Variants in CNTN5 observed in about 807,000 individuals in gnomAD.
CNTN5 encodes the protein contactin-5.
Under a neutral mutation model 129.1 loss-of-function variants are expected in CNTN5, and 77 were observed. The ratio of observed to expected loss-of-function variants is 0.60; its 90% CI spans 0.50 to 0.72. The LOEUF (loss-of-function observed/expected upper bound fraction) is 0.72. Ranked by LOEUF, CNTN5 falls within the 30% of genes least tolerant of loss-of-function variation. The pLI, the probability that CNTN5 is intolerant of heterozygous loss-of-function variation, is 0.00. For missense variants in CNTN5, 1,478 were observed against 1,328.8 expected (o/e 1.11, Z -1.75); for synonymous variants, 509 against 465.6 (o/e 1.09, Z -1.20).
At chr11:99,852,575 A>C (rs962488560) in intron 6 of CNTN5, among the ~76,000 whole-genome samples, 1 of 152,186 alleles carries the variant, frequency 6.6e-6, no homozygotes, top group African/African-American at 2.4e-5. Context: ...TAAATCATAA[A>C]TTTGCAAGTT....
chr11:99,498,414 G>C (rs965462265), intron 2 of CNTN5, among the ~76,000 whole-genome samples: 1 of 152,048 alleles, frequency 6.6e-6, no homozygotes, highest in Admixed American at 6.6e-5. Context: ...TATTGTAATT[G>C]TTTCCAACTA....
At chr11:99,154,816 C>G (rs1860254320) in intron 1 of CNTN5, among the ~76,000 whole-genome samples, 8 of 152,142 alleles carry the variant, frequency 5.3e-5, no homozygotes. Flanking sequence ...TCAGATCAGA[C>G]TGGCTCCATC....
At chr11:99,123,764 T>C (rs1204423562) in intron 1 of CNTN5, among the ~76,000 whole-genome samples, 1 of 152,038 alleles carries the variant, frequency 6.6e-6, no homozygotes, top group African/African-American at 2.4e-5. Flanking sequence ...CTTCTGCCTA[T>C]GGCTAGCCAG....
At chr11:100,158,915 C>A (rs1305025922) in intron 13 of CNTN5, among the ~76,000 whole-genome samples, 2 of 151,936 alleles carry the variant, frequency 1.3e-5, no homozygotes, top group African/African-American at 4.8e-5. Context: ...GAAAACCACC[C>A]ACGTGTCCAT....
intron 2 of CNTN5, among the ~76,000 whole-genome samples, chr11:99,395,620 C>A (rs1383062849): frequency 6.6e-6 from 1 of 151,832 alleles, no homozygotes; most frequent in Non-Finnish European, 1.5e-5. Flanking sequence ...TTTGCCCATT[C>A]CTATGTCCAG....
intron 1 of CNTN5, among the ~76,000 whole-genome samples, chr11:99,114,827 C>G (rs1379576060): frequency 2.0e-5 from 3 of 152,076 alleles, no homozygotes; most frequent in African/African-American, 4.8e-5. Flanking sequence ...TAGTGAGTAT[C>G]AAACAATCCG....
rs113694133 is a variant in CNTN5 at position 99,085,966 on chromosome 11, A to G, written c.-210+64696A>G. Among the ~76,000 whole-genome samples, 585 of 152,292 alleles carry G rather than the reference A, an allele frequency of 3.8e-3. 1 individual carries two copies. Among genetic ancestry groups the G allele is most frequent in the African/African-American group, 0.013 (539 of 41,548 alleles). ...CCTGCAGTATTCAGAACAGTAACAC[A>G]CTGTAACAGATTTATAGCCTAGGAG... On this transcript the variant is annotated intron_variant, in intron 1 of 24. Coordinates refer to ENST00000524871, the MANE Select transcript of CNTN5 (RefSeq NM_014361.4).
At chr11:100,003,562 A>T (rs1169812877) in intron 9 of CNTN5, among the ~76,000 whole-genome samples, 1 of 152,214 alleles carries the variant, frequency 6.6e-6, no homozygotes, top group African/African-American at 2.4e-5. Context: ...ATTGTAAAAC[A>T]AATTAGAAAA....
chr11:99,544,555 G>A (rs1302835234), intron 2 of CNTN5, among the ~76,000 whole-genome samples: 1 of 152,122 alleles, frequency 6.6e-6, no homozygotes, highest in African/African-American at 2.4e-5. Flanking sequence ...TTAAATGCTT[G>A]TTTCTGAAAT....
chr11:100,135,232 G>C (rs536808886), intron 13 of CNTN5, among the ~76,000 whole-genome samples: 1 of 146,338 alleles, frequency 6.8e-6, no homozygotes, highest in Non-Finnish European at 1.5e-5. Context: ...CTGGAGTGCA[G>C]TGGCATGATC....
chr11:99,849,554 A>G (rs150802586), intron 6 of CNTN5, among the ~76,000 whole-genome samples: 1 of 152,136 alleles, frequency 6.6e-6, no homozygotes, highest in African/African-American at 2.4e-5. Context: ...CATAGAGACT[A>G]AAATCTAGGT....
At chr11:99,358,255 A>ATTTT (rs1186386021) in intron 2 of CNTN5, among the ~76,000 whole-genome samples, 536 of 46,902 alleles carry the variant, frequency 0.011, 70 homozygotes, top group African/African-American at 0.014. Context: ...CGCCCTGCTG[A>ATTTT]TTTTTTTTTT....
intron 13 of CNTN5, among the ~76,000 whole-genome samples, chr11:100,149,893 CAAAAAAAAAAAA>C (rs36016957): frequency 6.8e-5 from 8 of 117,148 alleles, no homozygotes; most frequent in African/African-American, 2.6e-4. Flanking sequence ...GACTCCATCT[CAAAAAAAAAAAA>C]AAGAAAAGAA....
chr11:99,493,658 A>G (rs892598581), intron 2 of CNTN5, among the ~76,000 whole-genome samples: 4 of 152,198 alleles, frequency 2.6e-5, no homozygotes, highest in African/African-American at 9.7e-5. Context: ...GTAAAATTAA[A>G]TGTTAAGAAG....
intron 1 of CNTN5, among the ~76,000 whole-genome samples, chr11:99,149,757 A>C (rs2135484599): frequency 6.6e-6 from 1 of 152,168 alleles, no homozygotes; most frequent in East Asian, 1.9e-4. Context: ...AACTGGTCAT[A>C]AAGTCTCAAT....
intron 6 of CNTN5, among the ~76,000 whole-genome samples, chr11:99,871,030 C>A (rs77274175): frequency 0.039 from 5,883 of 152,022 alleles, 192 homozygotes; most frequent in East Asian, 0.16. Context: ...GGGTAAAATG[C>A]CTAATTTATT....
At chr11:99,303,010 A>G (rs1344754155) in intron 1 of CNTN5, among the ~76,000 whole-genome samples, 1 of 151,592 alleles carries the variant, frequency 6.6e-6, no homozygotes, top group African/African-American at 2.4e-5. Flanking sequence ...ATCTATAAAT[A>G]TTTTTCAGGA....
At chr11:100,160,153 T>A (rs966852000) in intron 13 of CNTN5, among the ~76,000 whole-genome samples, 1 of 151,974 alleles carries the variant, frequency 6.6e-6, no homozygotes, top group Non-Finnish European at 1.5e-5. Flanking sequence ...CTCCCACTTA[T>A]GACTGACAAC....
chr11:99,480,306 C>T (rs1945542367), intron 2 of CNTN5, among the ~76,000 whole-genome samples: 1 of 152,112 alleles, frequency 6.6e-6, no homozygotes, highest in Non-Finnish European at 1.5e-5. Flanking sequence ...GTGGAACTGC[C>T]AGTAAGTAGC....
Sources: allele counts gnomAD v4.1 joint callset (sites outside exome capture counted in the v4.1 genomes callset), GRCh38; gene constraint gnomAD v4.1.1; transcripts MANE v1.5; gene names NCBI Gene and HGNC (gene_info 2026-07-23, HGNC 2026-07-21).